RBM26: variants seen among roughly 807,000 people sequenced by gnomAD.
The protein encoded by RBM26 is RNA binding motif protein 26.
Under a neutral mutation model 123.6 loss-of-function variants are expected in RBM26, and 30 were observed. The observed-to-expected ratio is 0.24, with a 90% CI of 0.18 to 0.33. RBM26 has a LOEUF of 0.33. Among genes scored for constraint, RBM26 ranks in the 10% least tolerant of loss-of-function variants. RBM26 has a pLI of 1.00. For missense variants in RBM26, 947 were observed against 1,203.6 expected (o/e 0.79, Z 3.15); for synonymous variants, 400 against 404.4 (o/e 0.99, Z 0.13).
At chr13:79,327,214 T>C (rs1413073368) in intron 20 of RBM26, among the ~76,000 whole-genome samples, 2 of 150,988 alleles carry the variant, frequency 1.3e-5, no homozygotes, top group East Asian at 1.9e-4. Flanking sequence ...GAGGATCACC[T>C]GAGCTCAGGA....
chr13:79,354,657 T>C, intron 12 of RBM26, 87 bp from the exon 13 acceptor site: 5 of 1,244,470 alleles, frequency 4.0e-6, no homozygotes, highest in Non-Finnish European at 4.2e-6. Context: ...ACATTGCCCA[T>C]GCAGAGAAAG....
In RBM26 at chr13:79,319,970, T is replaced by G. The variant is rs1267666446; in HGVS notation, c.*651A>C. The G allele has an allele frequency of 1.3e-5, 6 of 457,406 alleles. No individual in the cohort carries two copies. The highest frequency in any genetic ancestry group is 1.0e-4 in the South Asian group (1 of 9,692). The allele number at this position is 457,406 out of a possible 1,614,324, so 28.3% of individuals were successfully genotyped here. A position where few individuals can be genotyped will look rare whatever the true frequency, so the allele number is the denominator to read the frequency against. On this transcript the variant is annotated 3_prime_UTR_variant, in exon 22 of 22. Coordinates refer to ENST00000438737, the MANE Select transcript of RBM26 (RefSeq NM_001366735.2). ...TTGGCTTTTTTTTTTTTTTTTTTTT[T>G]GTCATTGCTTTTCTCTTTTCTTTCC...
intron 20 of RBM26, among the ~76,000 whole-genome samples, chr13:79,331,649 A>T (rs1369738093): frequency 6.6e-6 from 1 of 151,904 alleles, no homozygotes; most frequent in Non-Finnish European, 1.5e-5. Context: ...AAAAAAAAAA[A>T]ATTGTACCTC....
intron 14 of RBM26, among the ~76,000 whole-genome samples, chr13:79,347,942 A>G (rs2072607242): frequency 1.3e-5 from 2 of 152,112 alleles, no homozygotes; most frequent in Non-Finnish European, 2.9e-5. Flanking sequence ...TCATCAAATT[A>G]AAACAGTTTT....
chr13:79,358,450 A>G lies in RBM26; in HGVS notation c.1530-17T>C. 2 of 1,599,408 alleles carry G rather than the reference A, an allele frequency of 1.3e-6. No individual in the cohort carries two copies. The highest frequency in any genetic ancestry group is 2.3e-5 in the East Asian group (1 of 44,092). On this transcript the variant is annotated splice_polypyrimidine_tract_variant and intron_variant, in intron 10 of 21. Coordinates refer to ENST00000438737, the MANE Select transcript of RBM26 (RefSeq NM_001366735.2). ...AAATTTGGTCTGCAAACAAAATTCA[A>G]GTTAGTCAATACATTTATAAATCCT...
chr13:79,389,368 A>G (rs1203783689), intron 1 of RBM26, among the ~76,000 whole-genome samples: 1 of 152,228 alleles, frequency 6.6e-6, no homozygotes. Flanking sequence ...TAAAGCAAAC[A>G]TACACATAGA....
At chr13:79,361,711 T>G (rs888717599) in intron 9 of RBM26, among the ~76,000 whole-genome samples, 20 of 152,162 alleles carry the variant, frequency 1.3e-4, no homozygotes, top group Non-Finnish European at 2.5e-4. Context: ...GTCTGCAGCT[T>G]TTGGGCTTCA....
chr13:79,388,359 G>A (rs2077661732), intron 1 of RBM26, among the ~76,000 whole-genome samples: 1 of 152,234 alleles, frequency 6.6e-6, no homozygotes, highest in African/African-American at 2.4e-5. Flanking sequence ...GCCTCCCAAA[G>A]TGCTGGGACT....
At chr13:79,312,329 A>G (rs1593798357) in exon 5 of RBM26, 1 of 152,212 alleles carries the variant, frequency 6.6e-6, no homozygotes, top group Non-Finnish European at 1.5e-5. Flanking sequence ...TCTGAGAATG[A>G]AAAGCAGGCA....
exon 5 of RBM26, chr13:79,312,328 G>C (rs1391327130): frequency 3.3e-5 from 5 of 152,028 alleles, no homozygotes; most frequent in South Asian, 4.1e-4. Flanking sequence ...TTCTGAGAAT[G>C]AAAAGCAGGC....
At chr13:79,343,147 T>C (rs981264262) in intron 16 of RBM26, among the ~76,000 whole-genome samples, 2 of 151,808 alleles carry the variant, frequency 1.3e-5, no homozygotes, top group Non-Finnish European at 3.0e-5. Flanking sequence ...ATTTGAAAAA[T>C]ATATTAACAA....
chr13:79,402,684 C>G (rs1325033191), intron 1 of RBM26, among the ~76,000 whole-genome samples: 2 of 152,078 alleles, frequency 1.3e-5, no homozygotes, highest in Admixed American at 1.3e-4. Flanking sequence ...TTCACCAAAC[C>G]TATAACGCTT....
intron 1 of RBM26, among the ~76,000 whole-genome samples, chr13:79,381,439 A>AT (rs2077064341): frequency 2.0e-5 from 3 of 151,782 alleles, no homozygotes; most frequent in Admixed American, 6.6e-5. Flanking sequence ...ATACATAATA[A>AT]TATTATTATG....
Position 79,405,895 on chromosome 13 carries a change from G to C in RBM26, c.-121C>G. 1 of 447,702 alleles carries C rather than the reference G, an allele frequency of 2.2e-6. No individual in the cohort carries two copies. The highest frequency in any genetic ancestry group is 3.6e-6 in the Non-Finnish European group (1 of 276,132). The allele number at this position is 447,702 out of a possible 1,614,324, so 27.7% of individuals were successfully genotyped here. A position where few individuals can be genotyped will look rare whatever the true frequency, so the allele number is the denominator to read the frequency against. On this transcript the variant is annotated 5_prime_UTR_variant, in exon 1 of 22. Transcript: ENST00000438737. ...CGCGTGGGCCGCGGTGGGAGGCGCC[G>C]GTGGCAGGTTCCCGCGGGCCCCGGT...
At chr13:79,342,506 T>A (rs2071578768) in intron 17 of RBM26, among the ~76,000 whole-genome samples, 158 bp downstream of exon 17, 1 of 151,862 alleles carries the variant, frequency 6.6e-6, no homozygotes, top group Non-Finnish European at 1.5e-5. Context: ...TAGAGTTTAC[T>A]TGTTTGTACT....
chr13:79,345,494 C>G (rs1298074691), intron 14 of RBM26, among the ~76,000 whole-genome samples: 1 of 151,918 alleles, frequency 6.6e-6, no homozygotes, highest in Non-Finnish European at 1.5e-5. Context: ...TGTCTTTTCC[C>G]CCGTCTACAA....
intron 10 of RBM26, among the ~76,000 whole-genome samples, chr13:79,358,851 GT>G (rs2074330967): frequency 6.6e-6 from 1 of 152,018 alleles, no homozygotes; most frequent in African/African-American, 2.4e-5. Context: ...TTTGATGACA[GT>G]CTCAACCTCT....
rs2138296941 is a variant in RBM26 at position 79,319,056 on chromosome 13, T to C, written c.*1565A>G. ...GATTTTGAAATTTTAAATATAAACG[T>C]AGACACGAATTGCAAGGCAAAGCAT... On this transcript the variant is annotated 3_prime_UTR_variant, in exon 22 of 22. Transcript: ENST00000438737. The C allele has an allele frequency of 1.0e-6, 1 of 984,352 alleles. No individual in the cohort carries two copies. The highest frequency in any genetic ancestry group is 5.2e-4 in the Middle Eastern group (1 of 1,914). The allele number at this position is 984,352 out of a possible 1,614,324, so 61.0% of individuals were successfully genotyped here. A position where few individuals can be genotyped will look rare whatever the true frequency, so the allele number is the denominator to read the frequency against.
rs115119488 is a variant in RBM26, at chr13:79,402,708, A to T, written c.71+2996T>A. The stretch of plus-strand genomic sequence containing the variant: ...CCTATAACGCTTTCACAGGTCTCCA[A>T]TCCCATCCTTTTGCCCCAGCAAAGT... On this transcript the variant is annotated intron_variant, in intron 1 of 21. Transcript: ENST00000438737. 4.0e-3 allele frequency among the ~76,000 whole-genome samples: 612 copies of T among 152,244 alleles called. 6 individuals carry two copies. The highest frequency in any genetic ancestry group is 0.013 in the African/African-American group (541 of 41,556).
Sources: allele counts gnomAD v4.1 joint callset (sites outside exome capture counted in the v4.1 genomes callset), GRCh38; gene constraint gnomAD v4.1.1; transcripts MANE v1.5; gene names NCBI Gene and HGNC (gene_info 2026-07-23, HGNC 2026-07-21).